SLC35F4: variants seen among roughly 807,000 people sequenced by gnomAD.
SLC35F4 encodes solute carrier family 35 member F4.
Under a neutral mutation model 44.2 loss-of-function variants are expected in SLC35F4, and 24 were observed. That is an observed-to-expected ratio of 0.54 (90% CI 0.39 to 0.76). The LOEUF is 0.76. SLC35F4 is among the 30% of genes least tolerant of loss of function. The pLI is 0.00. For missense variants in SLC35F4, 562 were observed against 586.1 expected (o/e 0.96, Z 0.42); for synonymous variants, 238 against 223.6 (o/e 1.06, Z -0.57).
intron 1 of SLC35F4, among the ~76,000 whole-genome samples, chr14:57,830,114 CA>C (rs921699495): frequency 4.7e-5 from 7 of 150,448 alleles, no homozygotes; most frequent in Admixed American, 1.3e-4. Flanking sequence ...CTGCTACCTA[CA>C]AAAAAAAAGT....
intron 1 of SLC35F4, among the ~76,000 whole-genome samples, chr14:57,913,190 A>T (rs897615725): frequency 6.6e-6 from 1 of 152,058 alleles, no homozygotes; most frequent in Non-Finnish European, 1.5e-5. Context: ...AAGACAACAT[A>T]AAGATGGGTC....
At chr14:57,914,950 A>G (rs896616166) in intron 1 of SLC35F4, among the ~76,000 whole-genome samples, 3 of 152,128 alleles carry the variant, frequency 2.0e-5, no homozygotes, top group African/African-American at 7.2e-5. Flanking sequence ...CTGCCCCTGC[A>G]ACAAGTCTCT....
intron 1 of SLC35F4, among the ~76,000 whole-genome samples, chr14:57,643,228 T>G (rs2073330620): frequency 6.6e-6 from 1 of 152,042 alleles, no homozygotes; most frequent in African/African-American, 2.4e-5. Context: ...TTTGACCAAT[T>G]GTATTAAGAC....
chr14:57,744,061 T>C (rs10140443), intron 1 of SLC35F4, among the ~76,000 whole-genome samples: 28,820 of 152,144 alleles, frequency 0.19, 3,609 homozygotes, highest in African/African-American at 0.36. Context: ...AAATTAGGTA[T>C]TGATGGGACG....
chr14:57,902,292 G>A (rs528689230), intron 1 of SLC35F4, among the ~76,000 whole-genome samples: 5 of 152,138 alleles, frequency 3.3e-5, no homozygotes, highest in African/African-American at 4.8e-5. Flanking sequence ...GGCTGGGCGC[G>A]GTGGCTCACG....
chr14:57,907,296 C>G (rs994090400), intron 1 of SLC35F4, among the ~76,000 whole-genome samples: 1 of 152,138 alleles, frequency 6.6e-6, no homozygotes, highest in Admixed American at 6.6e-5. Context: ...GTAAACATAA[C>G]TTTCATATGC....
intron 1 of SLC35F4, among the ~76,000 whole-genome samples, chr14:57,952,139 C>A (rs1045614826): frequency 1.3e-5 from 2 of 152,180 alleles, no homozygotes; most frequent in Non-Finnish European, 2.9e-5. Flanking sequence ...GATACCCAGG[C>A]AGACAGGGTC....
Position 57,581,346 on chromosome 14 carries a change from C to T in SLC35F4, c.675G>A (p.Leu225=). ...RTAPFSILWT[L]TNYLYLLALK... ...AAGCCAGTAAATAAAGGTAATTAGTCAAAGTCCATAGAATAGAAAAGGGAG... is the reference window on the plus strand; with the variant it reads ...AAGCCAGTAAATAAAGGTAATTAGTTAAAGTCCATAGAATAGAAAAGGGAG... Residue 225 remains leucine, a synonymous_variant, in exon 4 of 8, where the codon TTG becomes TTA. Coordinates refer to ENST00000556826, the MANE Select transcript of SLC35F4 (RefSeq NM_001306087.2). 2.5e-6 allele frequency: 4 copies of T among 1,613,400 alleles called. No individual in the cohort carries two copies. The highest frequency in any genetic ancestry group is 3.4e-6 in the Non-Finnish European group (4 of 1,179,682).
At chr14:57,609,977 G>T (rs969893646) in intron 1 of SLC35F4, among the ~76,000 whole-genome samples, 1 of 152,214 alleles carries the variant, frequency 6.6e-6, no homozygotes, top group African/African-American at 2.4e-5. Flanking sequence ...TGTGAGGATA[G>T]AAGTTATCCA....
chr14:57,959,462 C>T (rs547328372), intron 1 of SLC35F4, among the ~76,000 whole-genome samples: 2 of 152,204 alleles, frequency 1.3e-5, no homozygotes, highest in East Asian at 1.9e-4. Flanking sequence ...GATTTAGCCC[C>T]GGGTTACAGA....
chr14:57,841,747 G>A (rs1885504218), intron 1 of SLC35F4, among the ~76,000 whole-genome samples: 1 of 152,094 alleles, frequency 6.6e-6, no homozygotes, highest in African/African-American at 2.4e-5. Context: ...TACAAGCCAC[G>A]TAGATCATTA....
intron 1 of SLC35F4, among the ~76,000 whole-genome samples, chr14:57,925,499 G>GGA (rs1566930948): frequency 0.042 from 668 of 15,848 alleles, 9 homozygotes; most frequent in Admixed American, 0.061. Flanking sequence ...GGAAGGAAGG[G>GGA]AGGGAGGGAG....
intron 1 of SLC35F4, among the ~76,000 whole-genome samples, chr14:57,944,294 T>C (rs1375667116): frequency 6.6e-6 from 1 of 152,206 alleles, no homozygotes; most frequent in African/African-American, 2.4e-5. Context: ...AATCCTCTTA[T>C]AAGTGACCTT....
chr14:57,591,647 T>C (rs544063360), intron 2 of SLC35F4, among the ~76,000 whole-genome samples: 257 of 152,338 alleles, frequency 1.7e-3, no homozygotes, highest in Non-Finnish European at 3.0e-3. Context: ...AACTTTATTC[T>C]GAGCACCCAC....
intron 1 of SLC35F4, among the ~76,000 whole-genome samples, chr14:57,610,182 A>C (rs2071410719): frequency 6.6e-6 from 1 of 152,232 alleles, no homozygotes; most frequent in African/African-American, 2.4e-5. Flanking sequence ...GTGAAGACTA[A>C]GTTTCTGCCT....
intron 1 of SLC35F4, among the ~76,000 whole-genome samples, chr14:57,962,082 T>C (rs1284312891): frequency 6.6e-6 from 1 of 152,244 alleles, no homozygotes; most frequent in African/African-American, 2.4e-5. Context: ...GTTGTGCAGC[T>C]GGAATCTCAA....
chr14:57,568,936 C>T (rs1159155249), intron 6 of SLC35F4, among the ~76,000 whole-genome samples: 1 of 152,136 alleles, frequency 6.6e-6, no homozygotes, highest in Non-Finnish European at 1.5e-5. Context: ...TTTTTAACTG[C>T]TTGGTGAGAG....
At chr14:57,798,762 A>G (rs1039471139) in intron 1 of SLC35F4, among the ~76,000 whole-genome samples, 2 of 152,186 alleles carry the variant, frequency 1.3e-5, no homozygotes, top group African/African-American at 2.4e-5. Flanking sequence ...ATGCTTCTCT[A>G]TTGGAGCCAG....
Position 57,589,269 on chromosome 14 carries a change from A to G in SLC35F4, c.534T>C (p.Tyr178=). 1.2e-6 allele frequency: 2 copies of G among 1,613,974 alleles called. No homozygotes were observed. Among genetic ancestry groups the G allele is most frequent in the Non-Finnish European group, 1.7e-6 (2 of 1,179,884 alleles). The part of the protein sequence containing the change: ...NWNIMFFPVY[Y]SGHLATAQEK... ...CTTGAGCAGTGGCTAGATGACCAGA[A>G]TAATAGACTGGGAAAAACATAATGT... Residue 178 remains tyrosine, a synonymous_variant, in exon 3 of 8, where the codon TAT becomes TAC. Coordinates refer to ENST00000556826, the MANE Select transcript of SLC35F4 (RefSeq NM_001306087.2).
Sources: allele counts gnomAD v4.1 joint callset (sites outside exome capture counted in the v4.1 genomes callset), GRCh38; gene constraint gnomAD v4.1.1; transcripts MANE v1.5; gene names NCBI Gene and HGNC (gene_info 2026-07-23, HGNC 2026-07-21).